The following IMPG1 variants were observed in gnomAD, a reference collection of about 807,000 sequenced individuals.
IMPG1 encodes the protein interphotoreceptor matrix proteoglycan of 150 kDa.
A neutral mutation model predicts 92.0 loss-of-function variants in IMPG1; 85 were observed. The observed-to-expected ratio is 0.92, with a 90% confidence interval of 0.78 to 1.11. The LOEUF (loss-of-function observed/expected upper bound fraction) is 1.11, where lower values mean the gene tolerates loss of function less well. Among genes scored for constraint, IMPG1 ranks in the 50% least tolerant of loss-of-function variants. IMPG1 has a pLI of 0.00. For synonymous variants in IMPG1, 367 were observed against 334.1 expected, an observed-to-expected ratio of 1.10 and a Z score of -1.08; for missense variants, 1,022 against 956.0, an observed-to-expected ratio of 1.07 and a Z score of -0.91.
At chr6:75,934,822 C>G (rs1347868475) in intron 14 of IMPG1, 3 of 393,338 alleles carry the variant, frequency 7.6e-6, no homozygotes, top group Admixed American at 5.2e-5. Flanking sequence ...TCAACCTTGT[C>G]CTGCTCTTGC....
chr6:75,935,531 G>C (rs940806983), intron 14 of IMPG1, among the ~76,000 whole-genome samples: 11 of 152,172 alleles, frequency 7.2e-5, no homozygotes, highest in African/African-American at 2.7e-4. Flanking sequence ...GCGGGCAGCT[G>C]TGGGGCCTCC....
intron 12 of IMPG1, among the ~76,000 whole-genome samples, chr6:75,995,240 T>G (rs1362031085): frequency 6.6e-6 from 1 of 152,234 alleles, no homozygotes; most frequent in African/African-American, 2.4e-5. Flanking sequence ...AAGACTCTTC[T>G]AATTGATTGC....
chr6:76,067,821 A>G (rs1784337520), intron 1 of IMPG1, among the ~76,000 whole-genome samples: 1 of 152,194 alleles, frequency 6.6e-6, no homozygotes, highest in Non-Finnish European at 1.5e-5. Context: ...CCAACAGCAC[A>G]AGAAAAAGAC....
intron 12 of IMPG1, among the ~76,000 whole-genome samples, chr6:75,953,048 G>A (rs1285745205): frequency 6.6e-6 from 1 of 151,922 alleles, no homozygotes; most frequent in Non-Finnish European, 1.5e-5. Flanking sequence ...TTGTGTCATG[G>A]GAAATGCATT....
At chr6:76,000,208 T>C (rs2149476024) in intron 12 of IMPG1, among the ~76,000 whole-genome samples, 1 of 152,354 alleles carries the variant, frequency 6.6e-6, no homozygotes, top group East Asian at 1.9e-4. Context: ...CCTACTGAAC[T>C]CTATGATGTT....
intron 12 of IMPG1, among the ~76,000 whole-genome samples, chr6:75,951,956 A>G (rs2149458061): frequency 6.6e-6 from 1 of 152,104 alleles, no homozygotes; most frequent in South Asian, 2.1e-4. Context: ...TAATAATAAT[A>G]ATAATAATAA....
intron 1 of IMPG1, among the ~76,000 whole-genome samples, chr6:76,060,708 G>C (rs751165812): frequency 6.6e-6 from 1 of 152,092 alleles, no homozygotes; most frequent in Non-Finnish European, 1.5e-5. Context: ...TCAGCAAATT[G>C]CTTTGTGTTT....
chr6:76,004,133 G>A (rs141858702), intron 10 of IMPG1, among the ~76,000 whole-genome samples, 183 bp from the exon 11 acceptor site: 67 of 152,332 alleles, frequency 4.4e-4, no homozygotes, highest in African/African-American at 1.5e-3. Flanking sequence ...TTGAAGGACA[G>A]TTGCAAAGGG....
chr6:75,935,034 T>TC, intron 14 of IMPG1: 1 of 470,400 alleles, frequency 2.1e-6, no homozygotes, highest in South Asian at 1.6e-5. Flanking sequence ...TGGGCTGAGG[T>TC]CCCGTTGGGT....
At chr6:75,982,681 A>G (rs1181295840) in intron 12 of IMPG1, among the ~76,000 whole-genome samples, 3 of 151,778 alleles carry the variant, frequency 2.0e-5, no homozygotes, top group Non-Finnish European at 4.4e-5. Flanking sequence ...GCAACAAAGA[A>G]TGCCCAAATA....
At chr6:75,933,292 A>G (rs555046908) in intron 14 of IMPG1, among the ~76,000 whole-genome samples, 2 of 152,324 alleles carry the variant, frequency 1.3e-5, no homozygotes, top group African/African-American at 2.4e-5. Flanking sequence ...ATTGGTGTGT[A>G]GACAAATTGG....
chr6:76,012,028 A>C (rs1167414571), intron 7 of IMPG1, among the ~76,000 whole-genome samples: 1 of 151,336 alleles, frequency 6.6e-6, no homozygotes, highest in Non-Finnish European at 1.5e-5. Flanking sequence ...AATTAATGAT[A>C]TGGTTTGGAA....
intron 6 of IMPG1, among the ~76,000 whole-genome samples, chr6:76,021,778 C>CATATATATATATAT (rs140827081): frequency 0.21 from 10,539 of 49,378 alleles, 1,870 homozygotes; most frequent in Admixed American, 0.31. Flanking sequence ...ACTTGGAGAG[C>CATATATATATATAT]ATATATATAT....
chr6:76,068,982 A>G (rs556829027), intron 1 of IMPG1, among the ~76,000 whole-genome samples: 2 of 152,284 alleles, frequency 1.3e-5, no homozygotes, highest in South Asian at 4.1e-4. Context: ...CATCACATTT[A>G]TATTATACTA....
intron 13 of IMPG1, among the ~76,000 whole-genome samples, chr6:75,949,702 A>AAT (rs1232125415): frequency 2.0e-5 from 3 of 151,738 alleles, no homozygotes; most frequent in Admixed American, 6.6e-5. Flanking sequence ...GTTCCCTGAG[A>AAT]CTCTCCCAAT....
chr6:75,946,110 C>T (rs1414303862), intron 14 of IMPG1, among the ~76,000 whole-genome samples: 2 of 152,178 alleles, frequency 1.3e-5, no homozygotes, highest in African/African-American at 2.4e-5. Context: ...AAGTAGTTTT[C>T]CGGGGAAGAG....
chr6:75,960,124 G>C (rs1347318971), intron 12 of IMPG1, among the ~76,000 whole-genome samples: 1 of 152,094 alleles, frequency 6.6e-6, no homozygotes, highest in Non-Finnish European at 1.5e-5. Context: ...GGTGGTAGTT[G>C]CCCAACTTCT....
chr6:76,065,568 T>C (rs1256241169), intron 1 of IMPG1, among the ~76,000 whole-genome samples: 1 of 152,028 alleles, frequency 6.6e-6, no homozygotes, highest in Non-Finnish European at 1.5e-5. Flanking sequence ...AAAGCCTTCA[T>C]GAAGTGGGGG....
At chr6:76,063,991 C>T (rs1303582166) in intron 1 of IMPG1, among the ~76,000 whole-genome samples, 1 of 152,112 alleles carries the variant, frequency 6.6e-6, no homozygotes, top group Admixed American at 6.5e-5. Context: ...GAGTATGGTC[C>T]ACCCCAGCAG....
Sources: gnomAD v4.1 joint callset for allele counts (sites outside exome capture counted in the v4.1 genomes callset) on GRCh38, gnomAD v4.1.1 for gene constraint, MANE v1.5 for transcripts, NCBI Gene and HGNC (gene_info 2026-07-23, HGNC 2026-07-21) for gene names.